The following GRID2 variants were observed in gnomAD, a reference collection of about 807,000 sequenced individuals.
The protein encoded by GRID2 is glutamate receptor ionotropic, delta-2.
In GRID2, 33 loss-of-function variants were observed where a neutral mutation model predicts 114.8. The observed-to-expected ratio is 0.29, with a 90% CI of 0.22 to 0.38. The LOEUF (loss-of-function observed/expected upper bound fraction) is 0.38, where lower values mean the gene tolerates loss of function less well. GRID2 is among the 10% of genes least tolerant of loss of function. The probability of loss-of-function intolerance (pLI) is 1.00; values close to 1 mark genes in which losing one functional copy is unlikely to be tolerated. For synonymous variants in GRID2, 505 were observed against 449.9 expected (o/e 1.12, Z -1.55); for missense variants, 1,184 against 1,257.7 (o/e 0.94, Z 0.89).
At chr4:93,685,810 C>A (rs1247464592) in intron 14 of GRID2, among the ~76,000 whole-genome samples, 2 of 152,028 alleles carry the variant, frequency 1.3e-5, no homozygotes, top group African/African-American at 2.4e-5. Context: ...CTTGACTCTG[C>A]CCCTATTTCC....
chr4:93,159,657 T>C (rs1165116479), intron 4 of GRID2, among the ~76,000 whole-genome samples: 1 of 150,468 alleles, frequency 6.6e-6, no homozygotes, highest in African/African-American at 2.4e-5. Context: ...TTTTAAACAC[T>C]GAAAATAAGA....
intron 2 of GRID2, among the ~76,000 whole-genome samples, chr4:92,600,960 A>G (rs1729191442): frequency 6.6e-6 from 1 of 152,202 alleles, no homozygotes; most frequent in Non-Finnish European, 1.5e-5. Context: ...TGGACTGCCT[A>G]GATTCCTCAG....
At chr4:93,757,408 TAGA>T (rs1732842498) in intron 14 of GRID2, among the ~76,000 whole-genome samples, 1 of 152,198 alleles carries the variant, frequency 6.6e-6, no homozygotes, top group Non-Finnish European at 1.5e-5. Flanking sequence ...TTCCTCTACC[TAGA>T]GTACTCTTTT....
chr4:93,555,305 G>A (rs1734206348), intron 13 of GRID2, among the ~76,000 whole-genome samples: 1 of 152,176 alleles, frequency 6.6e-6, no homozygotes, highest in African/African-American at 2.4e-5. Flanking sequence ...GAGCCAAGTG[G>A]TCTAGCTCAG....
intron 14 of GRID2, among the ~76,000 whole-genome samples, chr4:93,651,319 A>C (rs1462147803): frequency 1.3e-5 from 2 of 152,176 alleles, no homozygotes; most frequent in Non-Finnish European, 2.9e-5. Context: ...CAAGAGAGTT[A>C]TTCTTTCGAT....
At chr4:92,744,662 A>G (rs1270133739) in intron 2 of GRID2, among the ~76,000 whole-genome samples, 2 of 152,046 alleles carry the variant, frequency 1.3e-5, no homozygotes, top group Non-Finnish European at 2.9e-5. Context: ...GCACTTTTCT[A>G]GTGTTTCTCA....
intron 2 of GRID2, among the ~76,000 whole-genome samples, chr4:92,902,620 T>C (rs1747659967): frequency 6.6e-6 from 1 of 152,104 alleles, no homozygotes; most frequent in Admixed American, 6.6e-5. Context: ...ATTTTTATAG[T>C]TACAGGTCTT....
chr4:93,730,952 G>C (rs969872914), intron 14 of GRID2, among the ~76,000 whole-genome samples: 2 of 152,184 alleles, frequency 1.3e-5, no homozygotes, highest in African/African-American at 4.8e-5. Context: ...GTGCCGCGCT[G>C]GCTGCACACC....
chr4:93,624,109 G>A (rs1335867438), intron 13 of GRID2, among the ~76,000 whole-genome samples: 1 of 151,970 alleles, frequency 6.6e-6, no homozygotes, highest in Non-Finnish European at 1.5e-5. Flanking sequence ...TATATTTAAT[G>A]TACATAGATA....
At chr4:92,475,296 T>C (rs931975001) in intron 1 of GRID2, among the ~76,000 whole-genome samples, 1 of 151,750 alleles carries the variant, frequency 6.6e-6, no homozygotes, top group African/African-American at 2.4e-5. Context: ...AGATGTTTTA[T>C]GATTTCAGGA....
chr4:93,136,177 C>T (rs550092124), intron 4 of GRID2, among the ~76,000 whole-genome samples: 19 of 151,786 alleles, frequency 1.3e-4, no homozygotes, highest in East Asian at 3.9e-4. Context: ...AATCTGCCTC[C>T]GCAGGCTGTT....
At chr4:93,130,983 C>T (rs972122547) in intron 4 of GRID2, among the ~76,000 whole-genome samples, 1 of 151,946 alleles carries the variant, frequency 6.6e-6, no homozygotes. Flanking sequence ...TCTCACATTG[C>T]ATTTAATCTT....
intron 4 of GRID2, among the ~76,000 whole-genome samples, chr4:93,126,370 A>C (rs1009092951): frequency 6.6e-6 from 1 of 152,012 alleles, no homozygotes. Flanking sequence ...TACTTTAGAG[A>C]TAAACAAAAA....
intron 11 of GRID2, among the ~76,000 whole-genome samples, chr4:93,456,621 ATATT>A (rs1403095530): frequency 2.6e-5 from 4 of 152,180 alleles, no homozygotes; most frequent in African/African-American, 9.6e-5. Context: ...AAATAGAATA[ATATT>A]TATTGCATTC....
chr4:93,596,871 C>G (rs73839601), intron 13 of GRID2, among the ~76,000 whole-genome samples: 1 of 152,102 alleles, frequency 6.6e-6, no homozygotes, highest in Non-Finnish European at 1.5e-5. Context: ...TGATTTAATA[C>G]GGATCTGGTT....
At chr4:92,965,605 A>G (rs1753108457) in intron 2 of GRID2, among the ~76,000 whole-genome samples, 1 of 151,528 alleles carries the variant, frequency 6.6e-6, no homozygotes, top group Non-Finnish European at 1.5e-5. Context: ...TCTCACTTCT[A>G]TTATGGGTCT....
chr4:92,981,627 A>C (rs886680990), intron 2 of GRID2, among the ~76,000 whole-genome samples: 2 of 151,990 alleles, frequency 1.3e-5, no homozygotes, highest in Non-Finnish European at 2.9e-5. Context: ...CCAACAAATC[A>C]CATACAGTGA....
At chr4:93,536,948 A>C (rs1030651652) in intron 13 of GRID2, among the ~76,000 whole-genome samples, 2 of 151,596 alleles carry the variant, frequency 1.3e-5, no homozygotes, top group Admixed American at 6.6e-5. Flanking sequence ...GTCATTGGTG[A>C]CATACCTCGC....
intron 12 of GRID2, among the ~76,000 whole-genome samples, chr4:93,499,210 A>C (rs1727861497): frequency 6.6e-6 from 1 of 151,852 alleles, no homozygotes; most frequent in South Asian, 2.1e-4. Context: ...TCGAGTCAAT[A>C]AAATATCATG....
Sources: gnomAD v4.1 joint callset for allele counts (sites outside exome capture counted in the v4.1 genomes callset) on GRCh38, gnomAD v4.1.1 for gene constraint, MANE v1.5 for transcripts, NCBI Gene and HGNC (gene_info 2026-07-23, HGNC 2026-07-21) for gene names.